The following CLSTN2 variants were observed in gnomAD, a reference collection of about 807,000 sequenced individuals.
CLSTN2 encodes calsyntenin 2.
A neutral mutation model predicts 101.2 loss-of-function variants in CLSTN2; 48 were observed. That is an observed-to-expected ratio of 0.47 (90% CI 0.38 to 0.60). The LOEUF (loss-of-function observed/expected upper bound fraction) is 0.60. Among genes scored for constraint, CLSTN2 ranks in the 20% least tolerant of loss-of-function variants. CLSTN2 has a pLI of 0.00. For synonymous variants in CLSTN2, 481 were observed against 463.6 expected (o/e 1.04, Z -0.48); for missense variants, 1,160 against 1,238.2 (o/e 0.94, Z 0.95).
chr3:140,293,894 T>C lies in CLSTN2; in HGVS notation c.233-109735T>C, dbSNP rs114656155. ...CTTTCTATTCCATCCTCCTTCCACC[T>C]TTCCTAAGTTTTGTGAAGGCTCTAG... is the stretch of plus-strand genomic sequence containing the variant. On this transcript the variant is annotated intron_variant, in intron 2 of 16. Coordinates refer to ENST00000458420, the MANE Select transcript of CLSTN2 (RefSeq NM_022131.3). Among the ~76,000 whole-genome samples the C allele has an allele frequency of 2.2e-3, 328 of 152,322 alleles. 1 individual carries two copies. Among genetic ancestry groups the C allele is most frequent in the African/African-American group, 7.7e-3 (319 of 41,568 alleles).
At chr3:140,165,281 T>C (rs2010117245) in intron 1 of CLSTN2, among the ~76,000 whole-genome samples, 1 of 152,146 alleles carries the variant, frequency 6.6e-6, no homozygotes, top group Non-Finnish European at 1.5e-5. Context: ...CAGGAATACC[T>C]ACTCATTGGA....
intron 14 of CLSTN2, 38 bp downstream of exon 14, chr3:140,562,994 C>T: frequency 6.2e-7 from 1 of 1,612,406 alleles, no homozygotes; most frequent in African/African-American, 1.3e-5. Context: ...AGCCAAGGCT[C>T]ACCCATTCCC....
chr3:140,079,490 C>A (rs536819739), intron 1 of CLSTN2, among the ~76,000 whole-genome samples: 12 of 152,276 alleles, frequency 7.9e-5, no homozygotes, highest in African/African-American at 2.9e-4. Flanking sequence ...TGGCTCACAC[C>A]TGTAATCCCA....
chr3:140,213,509 C>T (rs1378595594), intron 2 of CLSTN2, among the ~76,000 whole-genome samples: 1 of 152,174 alleles, frequency 6.6e-6, no homozygotes, highest in East Asian at 1.9e-4. Context: ...TCTGCTGATT[C>T]TTAGCAGAGT....
intron 1 of CLSTN2, among the ~76,000 whole-genome samples, chr3:140,077,474 G>A (rs929270551): frequency 1.3e-5 from 2 of 152,202 alleles, no homozygotes; most frequent in African/African-American, 2.4e-5. Flanking sequence ...TAATCTAAGA[G>A]CTCTATTGGT....
At chr3:140,109,399 T>A (rs2107793870) in intron 1 of CLSTN2, among the ~76,000 whole-genome samples, 1 of 152,256 alleles carries the variant, frequency 6.6e-6, no homozygotes, top group Middle Eastern at 3.4e-3. Flanking sequence ...AACCATGCCC[T>A]TAGAAGCCTT....
intron 2 of CLSTN2, among the ~76,000 whole-genome samples, chr3:140,399,316 G>T (rs1206814733): frequency 6.6e-6 from 1 of 152,182 alleles, no homozygotes; most frequent in African/African-American, 2.4e-5. Flanking sequence ...CACAAAAAAA[G>T]TTCTTGTATA....
intron 1 of CLSTN2, among the ~76,000 whole-genome samples, chr3:140,055,781 A>T (rs2008085143): frequency 6.6e-6 from 1 of 152,202 alleles, no homozygotes; most frequent in Admixed American, 6.5e-5. Flanking sequence ...TCTCATTTTC[A>T]GAGCCTAGTT....
intron 1 of CLSTN2, among the ~76,000 whole-genome samples, chr3:140,166,873 C>G (rs2010143418): frequency 6.6e-6 from 1 of 152,142 alleles, no homozygotes; most frequent in African/African-American, 2.4e-5. Flanking sequence ...ATGGGATGTG[C>G]AGAAAACAGG....
chr3:140,089,114 G>A (rs1176787016), intron 1 of CLSTN2, among the ~76,000 whole-genome samples: 1 of 152,150 alleles, frequency 6.6e-6, no homozygotes, highest in African/African-American at 2.4e-5. Context: ...CTAGCTTAGA[G>A]GCTGCTCATG....
At chr3:140,206,199 C>T (rs1183153135) in intron 2 of CLSTN2, among the ~76,000 whole-genome samples, 2 of 152,158 alleles carry the variant, frequency 1.3e-5, no homozygotes, top group Non-Finnish European at 2.9e-5. Flanking sequence ...TATTATCTGG[C>T]ACTGGAGTCA....
intron 2 of CLSTN2, among the ~76,000 whole-genome samples, chr3:140,261,640 G>C (rs1299572517): frequency 1.3e-5 from 2 of 151,352 alleles, no homozygotes; most frequent in African/African-American, 4.9e-5. Context: ...TCTCTCAATT[G>C]ACAAGGTGAG....
At chr3:140,443,056 C>T (rs1932994904) in intron 5 of CLSTN2, among the ~76,000 whole-genome samples, 1 of 152,210 alleles carries the variant, frequency 6.6e-6, no homozygotes, top group Non-Finnish European at 1.5e-5. Flanking sequence ...GTGTCAGCTG[C>T]CTGAACAATC....
At chr3:140,190,167 ATT>A (rs2010539432) in intron 2 of CLSTN2, among the ~76,000 whole-genome samples, 1 of 152,032 alleles carries the variant, frequency 6.6e-6, no homozygotes, top group Admixed American at 6.6e-5. Context: ...CACCTGGGGG[ATT>A]ACGTTTCAAC....
rs1369183487 is a variant in CLSTN2 at position 140,183,585 on chromosome 3, G to T, written c.232+7512G>T. Among the ~76,000 whole-genome samples the T allele has an allele frequency of 3.3e-5, 5 of 152,168 alleles. No homozygotes were observed. The South Asian group carries it at 6.2e-4, about 19-fold the overall frequency. On this transcript the variant is annotated intron_variant, in intron 2 of 16. Transcript: ENST00000458420. ...TCTGGTGCCAGCCTATATACTAACT[G>T]TGCAAATTAGAAACAGGTGCCCCTT...
chr3:140,044,407 T>C (rs1374711708), intron 1 of CLSTN2, among the ~76,000 whole-genome samples: 1 of 152,254 alleles, frequency 6.6e-6, no homozygotes, highest in African/African-American at 2.4e-5. Flanking sequence ...TGAAGTTGCT[T>C]ATCAGCTTAA....
intron 2 of CLSTN2, among the ~76,000 whole-genome samples, chr3:140,214,206 G>A (rs1248797470): frequency 6.6e-6 from 1 of 152,020 alleles, no homozygotes; most frequent in East Asian, 1.9e-4. Flanking sequence ...TTGGGTGGCT[G>A]AGGCAGACGG....
rs981189241 is a variant in CLSTN2 at position 140,497,346 on chromosome 3, C to T, written c.1344+30615C>T. ...AGCTGATATTCTTGCAGGGAGGCCC[C>T]GCCCAGTCAGGAGGGATGGATTGGG... On this transcript the variant is annotated intron_variant, in intron 8 of 16. Coordinates refer to ENST00000458420, the MANE Select transcript of CLSTN2 (RefSeq NM_022131.3). 6.6e-5 allele frequency among the ~76,000 whole-genome samples: 10 copies of T among 152,154 alleles called. 1 individual carries two copies. Among genetic ancestry groups the T allele is most frequent in the African/African-American group, 2.4e-4 (10 of 41,434 alleles).
intron 1 of CLSTN2, among the ~76,000 whole-genome samples, chr3:140,100,436 G>T (rs2008946597): frequency 6.6e-6 from 1 of 152,116 alleles, no homozygotes; most frequent in South Asian, 2.1e-4. Context: ...TTAACATAAG[G>T]CAGTGATCAA....
Sources: gnomAD v4.1 joint callset for allele counts (sites outside exome capture counted in the v4.1 genomes callset) on GRCh38, gnomAD v4.1.1 for gene constraint, MANE v1.5 for transcripts, NCBI Gene and HGNC (gene_info 2026-07-23, HGNC 2026-07-21) for gene names.